The following GOLT1A variants were observed in gnomAD, a reference collection of about 807,000 sequenced individuals.
The protein encoded by GOLT1A is golgi transport 1A, also known as vesicle transport protein GOT1A.
GOLT1A carries 10 observed loss-of-function variants against 16.1 expected under a neutral mutation model. The ratio of observed to expected loss-of-function variants is 0.62; its 90% CI spans 0.38 to 1.05. GOLT1A has a LOEUF of 1.05. Ranked by LOEUF, GOLT1A falls within the 50% of genes least tolerant of loss-of-function variation. The pLI, the probability that GOLT1A is intolerant of heterozygous loss-of-function variation, is 0.01. For synonymous variants in GOLT1A, 60 were observed against 67.9 expected (o/e 0.88, Z 0.57); for missense variants, 137 against 165.7 (o/e 0.83, Z 0.95).
Position 204,213,933 on chromosome 1 carries a change from G to A in GOLT1A, c.-27C>T. 1 of 1,611,252 alleles carries A rather than the reference G, an allele frequency of 6.2e-7. No homozygotes were observed. The highest frequency in any genetic ancestry group is 8.5e-7 in the Non-Finnish European group (1 of 1,179,018). On this transcript the variant is annotated 5_prime_UTR_variant, in exon 1 of 5. Coordinates refer to ENST00000308302, the MANE Select transcript of GOLT1A (RefSeq NM_198447.2). The stretch of plus-strand genomic sequence containing the variant: ...CCGCACTCAGCCTGGGGGGCTTTCC[G>A]GGTGGAAGCGGGCAAGTGGAGCGTG...
Position 204,213,979 on chromosome 1 carries a change from A to G in GOLT1A, c.-73T>C. ...GCGTGGCCCAGAGGACGCAGCTGGT[A>G]CATGGTCACGGGAAGCTGACCCTTG... On this transcript the variant is annotated 5_prime_UTR_variant, in exon 1 of 5. Transcript: ENST00000308302. 6.5e-7 allele frequency: 1 copy of G among 1,545,578 alleles called. No individual in the cohort carries two copies. The highest frequency in any genetic ancestry group is 1.2e-5 in the South Asian group (1 of 86,428).
At chr1:204,213,071 A>G (rs1249386829) in intron 1 of GOLT1A, among the ~76,000 whole-genome samples, 5 of 152,136 alleles carry the variant, frequency 3.3e-5, no homozygotes, top group African/African-American at 1.2e-4. Flanking sequence ...CACTCTATAT[A>G]AAATAGCGAC....
In GOLT1A at chr1:204,208,478, A is replaced by ATATATATG. The variant is rs1557987376; in HGVS notation, c.25+5403_25+5404insCATATATA. 3.6e-3 allele frequency among the ~76,000 whole-genome samples: 168 copies of ATATATATG among 47,052 alleles called. 1 individual carries two copies. The highest frequency in any genetic ancestry group is 0.012 in the African/African-American group (157 of 12,998). 30.9% of individuals were successfully genotyped at this position (47,052 alleles called of 152,430 possible). A position where few individuals can be genotyped will look rare whatever the true frequency, so the allele number is the denominator to read the frequency against. ...TGTATACTTGTGTGTGTGTGTGTGTATATATATATATATATATATATATAA... is the reference window on the plus strand; with the variant it reads ...TGTATACTTGTGTGTGTGTGTGTGTATATATATGTATATATATATATATATATATATAA... On this transcript the variant is annotated intron_variant, in intron 1 of 4. Coordinates refer to ENST00000308302, the MANE Select transcript of GOLT1A (RefSeq NM_198447.2).
chr1:204,212,905 CA>C (rs1423909852), intron 1 of GOLT1A, among the ~76,000 whole-genome samples: 1 of 152,094 alleles, frequency 6.6e-6, no homozygotes, highest in African/African-American at 2.4e-5. Flanking sequence ...TCAAACACAC[CA>C]AGTATGCTAA....
In GOLT1A at chr1:204,198,359, C is replaced by T. The variant is rs150284220; in HGVS notation, c.*99G>A. On this transcript the variant is annotated 3_prime_UTR_variant, in exon 5 of 5. Coordinates refer to ENST00000308302, the MANE Select transcript of GOLT1A (RefSeq NM_198447.2). ...TGGACTTGGGGAGGTCCGGATATGT[C>T]GGGGAGTGAGTCAGTGCAGGGGACT... 584 of 1,107,828 alleles carry T rather than the reference C, an allele frequency of 5.3e-4. 3 individuals are homozygous for T. The African/African-American group carries it at 7.6e-3, about 14-fold the overall frequency. 68.6% of individuals were successfully genotyped at this position (1,107,828 alleles called of 1,614,324 possible). A position where few individuals can be genotyped will look rare whatever the true frequency, so the allele number is the denominator to read the frequency against.
chr1:204,206,311 T>C (rs1243048820), intron 1 of GOLT1A, among the ~76,000 whole-genome samples: 2 of 152,226 alleles, frequency 1.3e-5, no homozygotes, highest in Non-Finnish European at 2.9e-5. Flanking sequence ...CGTGATCTAT[T>C]TGGGCTTGTT....
At chr1:204,207,303 C>T (rs780487687) in intron 1 of GOLT1A, among the ~76,000 whole-genome samples, 12 of 152,290 alleles carry the variant, frequency 7.9e-5, no homozygotes, top group Middle Eastern at 3.4e-3. Flanking sequence ...TACACCCAGC[C>T]GAAAAAAGCT....
chr1:204,206,908 A>G (rs906179910), intron 1 of GOLT1A, among the ~76,000 whole-genome samples: 4 of 151,908 alleles, frequency 2.6e-5, no homozygotes, highest in Non-Finnish European at 5.9e-5. Context: ...CCTGTTCTAC[A>G]CTCTTCTTTA....
chr1:204,207,001 G>T (rs1659048448), intron 1 of GOLT1A, among the ~76,000 whole-genome samples: 1 of 152,134 alleles, frequency 6.6e-6, no homozygotes, highest in African/African-American at 2.4e-5. Context: ...GTGCTCAGTG[G>T]GACACGAAAC....
chr1:204,206,076 A>G (rs924971589), intron 1 of GOLT1A, among the ~76,000 whole-genome samples: 1 of 152,218 alleles, frequency 6.6e-6, no homozygotes, highest in East Asian at 1.9e-4. Context: ...ATCTCAAAAA[A>G]AAAGAAAACA....
chr1:204,212,714 C>T (rs1034453923), intron 1 of GOLT1A, among the ~76,000 whole-genome samples: 6 of 151,822 alleles, frequency 4.0e-5, no homozygotes, highest in Non-Finnish European at 8.8e-5. Context: ...CAACCCAGCA[C>T]CCAGAATGAT....
intron 1 of GOLT1A, among the ~76,000 whole-genome samples, chr1:204,209,926 C>T (rs976372450): frequency 4.6e-5 from 7 of 152,074 alleles, no homozygotes; most frequent in East Asian, 1.9e-4. Context: ...GGTGAGGTGG[C>T]GGGCACTTGT....
Position 204,202,994 on chromosome 1 carries a change from T to G in GOLT1A, c.26-7A>C. On this transcript the variant is annotated splice_polypyrimidine_tract_variant and splice_region_variant and intron_variant, in intron 1 of 4. Coordinates refer to ENST00000308302, the MANE Select transcript of GOLT1A (RefSeq NM_198447.2). ...GTGATCCCCACACCAATCTCTGCAA[T>G]GGGCAAGGAGGTGGTGGAGGAAAGG... 6.2e-7 allele frequency: 1 copy of G among 1,612,726 alleles called. No individual in the cohort carries two copies. Among genetic ancestry groups the G allele is most frequent in the South Asian group, 1.1e-5 (1 of 91,016 alleles).
intron 1 of GOLT1A, among the ~76,000 whole-genome samples, chr1:204,203,720 A>C (rs1658997300): frequency 6.9e-6 from 1 of 145,618 alleles, no homozygotes; most frequent in African/African-American, 2.6e-5. Context: ...CTCTTCGGCC[A>C]ACTCTCATTT....
chr1:204,212,551 C>T (rs1369781300), intron 1 of GOLT1A, among the ~76,000 whole-genome samples: 7 of 149,146 alleles, frequency 4.7e-5, no homozygotes, highest in East Asian at 2.0e-4. Context: ...GCAGGAGAAT[C>T]GCTTGAACCC....
chr1:204,202,880 G>A lies in GOLT1A; in HGVS notation c.117+16C>T. 6.2e-7 allele frequency: 1 copy of A among 1,600,566 alleles called. No individual in the cohort carries two copies. Among genetic ancestry groups the A allele is most frequent in the Non-Finnish European group, 8.6e-7 (1 of 1,167,824 alleles). On this transcript the variant is annotated intron_variant, in intron 2 of 4. Transcript: ENST00000308302. Reference sequence around the variant, plus strand: ...GTTGGGGCAGGGGAGTGGGGACACAGGGCTGGGAGACTCACGTTTCCAAAG... The same window carrying A: ...GTTGGGGCAGGGGAGTGGGGACACAAGGCTGGGAGACTCACGTTTCCAAAG...
At chr1:204,202,758 A>G (rs1658981702) in intron 2 of GOLT1A, 138 bp downstream of exon 2, 2 of 683,072 alleles carry the variant, frequency 2.9e-6, no homozygotes, top group South Asian at 3.7e-5. Context: ...CATGGTCTGA[A>G]TAAACTTGGG....
chr1:204,202,840 A>C, intron 2 of GOLT1A, 56 bp downstream of exon 2: 34 of 1,242,336 alleles, frequency 2.7e-5, no homozygotes, highest in Non-Finnish European at 3.4e-5. Flanking sequence ...TCCTGGCAAT[A>C]GAGACTTCAG....
At chr1:204,203,359 G>C (rs138040529) in intron 1 of GOLT1A, among the ~76,000 whole-genome samples, 3 of 152,150 alleles carry the variant, frequency 2.0e-5, no homozygotes, top group Non-Finnish European at 4.4e-5. Context: ...CTCTGCTCCT[G>C]CCTTGTGCAA....
Sources: gnomAD v4.1 joint callset for allele counts (sites outside exome capture counted in the v4.1 genomes callset) on GRCh38, gnomAD v4.1.1 for gene constraint, MANE v1.5 for transcripts, NCBI Gene and HGNC (gene_info 2026-07-23, HGNC 2026-07-21) for gene names.